The following TJP2 variants were observed in gnomAD, a reference collection of about 807,000 sequenced individuals.
The protein encoded by TJP2 is Friedreich ataxia region gene X104 (tight junction protein ZO-2).
Under a neutral mutation model 133.1 loss-of-function variants are expected in TJP2, and 91 were observed. The observed-to-expected ratio is 0.68, with a 90% CI of 0.58 to 0.81. The LOEUF (loss-of-function observed/expected upper bound fraction) is 0.81, where lower values mean the gene tolerates loss of function less well. Ranked by LOEUF, TJP2 falls within the 40% of genes least tolerant of loss-of-function variation. The probability of loss-of-function intolerance (pLI) is 0.00; values close to 1 mark genes in which losing one functional copy is unlikely to be tolerated. For synonymous variants in TJP2, 592 were observed against 583.4 expected, an observed-to-expected ratio of 1.01 and a Z score of -0.21; for missense variants, 1,541 against 1,565.6, an observed-to-expected ratio of 0.98 and a Z score of 0.26.
chr9:69,228,094 G>C lies in TJP2; in HGVS notation c.1433G>C (p.Arg478Thr), dbSNP rs760992953. 6.2e-6 allele frequency: 10 copies of C among 1,611,854 alleles called. No individual in the cohort carries two copies. The highest frequency in any genetic ancestry group is 1.7e-4 in the Middle Eastern group (1 of 6,060). The part of the protein sequence containing the change: ...TVVPETNKEP[R>T]YQEDPPAPQP... ...GTCCCAGAGACCAACAAGGAACCCA[G>C]ATACCAAGAGGACCCCCCAGGTGAG... Residue 478 changes from arginine (R) to threonine (T), a missense_variant, in exon 9 of 23, where the codon AGA becomes ACA. Transcript: ENST00000377245.
Position 69,191,857 on chromosome 9 carries a change from C to T in TJP2, c.60+17425C>T, listed in dbSNP as rs1826225704. On this transcript the variant is annotated intron_variant, in intron 1 of 22. Coordinates refer to ENST00000377245, the MANE Select transcript of TJP2 (RefSeq NM_004817.4). ...GTTCAAGCGATTTTCCTGCCTCAGTCTCCTGACTACCTGGGATTATAGGCA... is the reference window on the plus strand; with the variant it reads ...GTTCAAGCGATTTTCCTGCCTCAGTTTCCTGACTACCTGGGATTATAGGCA... 2.6e-5 allele frequency among the ~76,000 whole-genome samples: 4 copies of T among 152,092 alleles called. No individual in the cohort carries two copies. In the South Asian group the frequency reaches 8.3e-4, roughly 32 times the overall value.
chr9:69,176,698 T>C (rs1233227494), intron 1 of TJP2, among the ~76,000 whole-genome samples: 2 of 152,226 alleles, frequency 1.3e-5, no homozygotes, highest in African/African-American at 4.8e-5. Flanking sequence ...TAACTTTTGA[T>C]CTAGTTCTTT....
intron 2 of TJP2, among the ~76,000 whole-genome samples, chr9:69,156,893 G>T (rs1320765184): frequency 6.6e-6 from 1 of 152,188 alleles, no homozygotes; most frequent in Non-Finnish European, 1.5e-5. Flanking sequence ...GGGGCTGCCA[G>T]GTCATAGGTA....
chr9:69,137,273 T>C (rs199642638), intron 1 of TJP2, among the ~76,000 whole-genome samples: 34 of 91,362 alleles, frequency 3.7e-4, no homozygotes, highest in East Asian at 1.6e-3. Flanking sequence ...TTCTTTCTTT[T>C]TCTTTCTTTC....
intron 2 of TJP2, among the ~76,000 whole-genome samples, chr9:69,154,688 G>T (rs1312308610): frequency 6.6e-6 from 1 of 151,180 alleles, no homozygotes; most frequent in Non-Finnish European, 1.5e-5. Flanking sequence ...ACTTTCAGAG[G>T]CTGAGGCAGG....
upstream of TJP2, among the ~76,000 whole-genome samples, chr9:69,173,900 C>G (rs936854687): frequency 6.6e-6 from 1 of 152,138 alleles, no homozygotes; most frequent in Admixed American, 6.5e-5. Context: ...CGCGCGCGCT[C>G]GGAGCGGGAC....
chr9:69,141,601 A>T (rs1378122723), intron 1 of TJP2, among the ~76,000 whole-genome samples: 1 of 152,044 alleles, frequency 6.6e-6, no homozygotes, highest in African/African-American at 2.4e-5. Flanking sequence ...TTATTTATTA[A>T]TTCATTTTGA....
chr9:69,201,004 C>T (rs1826947718), intron 1 of TJP2, among the ~76,000 whole-genome samples: 1 of 152,158 alleles, frequency 6.6e-6, no homozygotes, highest in Admixed American at 6.5e-5. Flanking sequence ...TCTGACATGG[C>T]ATAAGTACTC....
intron 1 of TJP2, among the ~76,000 whole-genome samples, chr9:69,210,414 G>A (rs1453827011): frequency 6.6e-6 from 1 of 151,714 alleles, no homozygotes; most frequent in Non-Finnish European, 1.5e-5. Flanking sequence ...TGCCTACTCT[G>A]TGTGCCAGAC....
intron 11 of TJP2, among the ~76,000 whole-genome samples, chr9:69,231,623 C>A (rs1414724365): frequency 1.3e-5 from 2 of 151,398 alleles, no homozygotes; most frequent in Non-Finnish European, 2.9e-5. Context: ...TCCTTCTTGG[C>A]CCCGTTGCAG....
intron 2 of TJP2, among the ~76,000 whole-genome samples, chr9:69,153,177 G>A (rs1285382843): frequency 1.3e-5 from 2 of 152,056 alleles, no homozygotes; most frequent in Non-Finnish European, 2.9e-5. Context: ...AGGCTGCAGT[G>A]AGCTATAATT....
upstream of TJP2, chr9:69,174,133 A>C: frequency 3.3e-6 from 4 of 1,222,542 alleles, no homozygotes; most frequent in East Asian, 3.7e-5. Context: ...GGTAGCGGCC[A>C]ATTTGACAGT....
intron 12 of TJP2, among the ~76,000 whole-genome samples, chr9:69,235,346 GGAGTCTGGCTTTGTCGCT>G: frequency 6.6e-6 from 1 of 150,936 alleles, no homozygotes; most frequent in Non-Finnish European, 1.5e-5. Context: ...TTTTTGAGAC[GGAGTCTGGCTTTGTCGCT>G]GAGGCTGGAG....
At chr9:69,166,023 C>T (rs918562612) in intron 2 of TJP2, among the ~76,000 whole-genome samples, 20 of 152,214 alleles carry the variant, frequency 1.3e-4, no homozygotes, top group African/African-American at 3.6e-4. Context: ...CATCTCCTTC[C>T]AACCCAGGAC....
rs749283683 is a variant in TJP2, at chr9:69,238,759, G to T, written c.2325G>T (p.Arg775=). The change falls in exon 16 of 23, where the codon CGG becomes CGT. Residue 775 remains arginine, a synonymous_variant. Transcript: ENST00000377245. ...CTGAGAAATCCACTGGAGTGGTCCG[G>T]TTAAATACCGTGAGGCAAATTATTG... ...AGSEKSTGVV[R]LNTVRQIIEQ... 6.2e-7 allele frequency: 1 copy of T among 1,613,946 alleles called. No homozygotes were observed.
chr9:69,194,668 C>T (rs1826426124), intron 1 of TJP2, among the ~76,000 whole-genome samples: 1 of 152,230 alleles, frequency 6.6e-6, no homozygotes, highest in East Asian at 1.9e-4. Flanking sequence ...GAGAGTACTG[C>T]TAGACAGGTG....
chr9:69,253,066 A>G (rs1831458558), intron 22 of TJP2, 166 bp downstream of exon 22: 1 of 671,094 alleles, frequency 1.5e-6, no homozygotes, highest in Non-Finnish European at 2.6e-6. Context: ...TAAAGATTAC[A>G]GAGTCAAAAC....
chr9:69,179,212 T>G (rs1173724165), intron 1 of TJP2, among the ~76,000 whole-genome samples: 1 of 152,224 alleles, frequency 6.6e-6, no homozygotes, highest in Admixed American at 6.5e-5. Flanking sequence ...ATTAGTAACT[T>G]GTACTTTAGT....
chr9:69,230,049 C>T (rs745659477), intron 10 of TJP2, 33 bp from the exon 11 acceptor site: 2 of 1,613,302 alleles, frequency 1.2e-6, no homozygotes, highest in African/African-American at 1.3e-5. Flanking sequence ...AAATATCTCC[C>T]ATCTTTCCTT....
Sources: allele counts gnomAD v4.1 joint callset (sites outside exome capture counted in the v4.1 genomes callset), GRCh38; gene constraint gnomAD v4.1.1; transcripts MANE v1.5; gene names NCBI Gene and HGNC (gene_info 2026-07-23, HGNC 2026-07-21).